PHACTR4: variants seen among roughly 807,000 people sequenced by gnomAD.
The protein encoded by PHACTR4 is phosphatase and actin regulator 4.
In PHACTR4, 51 loss-of-function variants were observed where a neutral mutation model predicts 72.7. That is an observed-to-expected ratio of 0.70 (90% CI 0.56 to 0.89). The LOEUF is 0.89. Ranked by LOEUF, PHACTR4 falls within the 40% of genes least tolerant of loss-of-function variation. The pLI is 0.00. For synonymous variants in PHACTR4, 255 were observed against 302.5 expected (o/e 0.84, Z 1.63); for missense variants, 731 against 861.8 (o/e 0.85, Z 1.90).
intron 9 of PHACTR4, among the ~76,000 whole-genome samples, chr1:28,488,682 G>T (rs1660857846): frequency 6.6e-6 from 1 of 151,906 alleles, no homozygotes; most frequent in African/African-American, 2.4e-5. Context: ...CTGAGTCATA[G>T]AAGAAGTTTT....
At position 28,496,050 on chromosome 1, in the gene PHACTR4, C is replaced by CTTTT. The variant is rs59019895; in HGVS notation, c.2094-463_2094-460dup. 3.8e-4 allele frequency among the ~76,000 whole-genome samples: 34 copies of CTTTT among 88,774 alleles called. 1 individual carries two copies. The highest frequency in any genetic ancestry group is 7.2e-4 in the African/African-American group (15 of 20,916). 58.2% of individuals were successfully genotyped at this position (88,774 alleles called of 152,430 possible). ...TGTTACAGAAGCCAAGAGAAGAGTTCTTTTTTTTTTTTTTTTTTTTTTTTG... is the reference window on the plus strand; with the variant it reads ...TGTTACAGAAGCCAAGAGAAGAGTTCTTTTTTTTTTTTTTTTTTTTTTTTTTTTG... On this transcript the variant is annotated intron_variant, in intron 13 of 13. Transcript: ENST00000373839.
intron 1 of PHACTR4, among the ~76,000 whole-genome samples, chr1:28,400,304 C>T (rs564798800): frequency 2.0e-5 from 3 of 149,658 alleles, no homozygotes; most frequent in East Asian, 2.0e-4. Flanking sequence ...ACCTGGGAGT[C>T]GGAGGTTGCA....
intron 2 of PHACTR4, among the ~76,000 whole-genome samples, chr1:28,456,613 C>T (rs1206214358): frequency 2.6e-5 from 4 of 151,354 alleles, no homozygotes; most frequent in Admixed American, 1.3e-4. Context: ...AGGCACATGG[C>T]ACCCTGCCCA....
rs1227821744 is a variant in PHACTR4 at position 28,499,910 on chromosome 1, T to G, written c.*3361T>G. Reference sequence around the variant, plus strand: ...CTTCTAACCATTCTATCTTATTGATTTGGAGGCTGTCTTCTGCCAGATTTT... The same window carrying G: ...CTTCTAACCATTCTATCTTATTGATGTGGAGGCTGTCTTCTGCCAGATTTT... On this transcript the variant is annotated 3_prime_UTR_variant, in exon 14 of 14. Coordinates refer to ENST00000373839, the MANE Select transcript of PHACTR4 (RefSeq NM_001048183.3). The G allele has an allele frequency of 6.6e-6, 1 of 152,182 alleles. No homozygotes were observed. Among genetic ancestry groups the G allele is most frequent in the Non-Finnish European group, 1.5e-5 (1 of 68,036 alleles). The allele number at this position is 152,182 out of a possible 1,614,324, so 9.4% of individuals were successfully genotyped here.
intron 5 of PHACTR4, 86 bp downstream of exon 5, chr1:28,465,935 T>G: frequency 7.5e-7 from 1 of 1,330,044 alleles, no homozygotes. Context: ...CAGGGAAAAG[T>G]GAAATCTAGA....
At chr1:28,492,344 G>A (rs1397664909) in intron 12 of PHACTR4, among the ~76,000 whole-genome samples, 1 of 151,940 alleles carries the variant, frequency 6.6e-6, no homozygotes, top group African/African-American at 2.4e-5. Context: ...GGCTGAAGCA[G>A]GAGAATTGCT....
intron 2 of PHACTR4, chr1:28,438,246 C>T: frequency 7.0e-7 from 1 of 1,431,592 alleles, no homozygotes; most frequent in Non-Finnish European, 9.2e-7. Context: ...ATGAACTGAC[C>T]TTATGCCATT....
At position 28,446,648 on chromosome 1, in the gene PHACTR4, G is replaced by A. The variant is rs531045917; in HGVS notation, c.17-12437G>A. Among the ~76,000 whole-genome samples the A allele has an allele frequency of 3.4e-3, 513 of 152,120 alleles. 3 individuals are homozygous for A. Among genetic ancestry groups the A allele is most frequent in the African/African-American group, 0.011 (467 of 41,524 alleles). On this transcript the variant is annotated intron_variant, in intron 2 of 13. Coordinates refer to ENST00000373839, the MANE Select transcript of PHACTR4 (RefSeq NM_001048183.3). ...ACAAAAATTAGCCGGGCATGGTGGC[G>A]TGTGCCTGTAGTCCCAGCTATTCAG...
chr1:28,400,712 C>T (rs1653879503), intron 1 of PHACTR4, among the ~76,000 whole-genome samples: 2 of 151,918 alleles, frequency 1.3e-5, no homozygotes, highest in Non-Finnish European at 2.9e-5. Context: ...CCAGAGTAGC[C>T]AGGACTACAG....
intron 1 of PHACTR4, among the ~76,000 whole-genome samples, chr1:28,394,541 T>G (rs1653328127): frequency 6.6e-6 from 1 of 152,012 alleles, no homozygotes; most frequent in Non-Finnish European, 1.5e-5. Flanking sequence ...TCTTCTTGCT[T>G]TGACCTACAG....
intron 2 of PHACTR4, among the ~76,000 whole-genome samples, chr1:28,444,159 G>A (rs1158454451): frequency 7.4e-6 from 1 of 135,076 alleles, no homozygotes; most frequent in African/African-American, 2.7e-5. Flanking sequence ...TTGTGGTTTT[G>A]ATTTGCATTC....
chr1:28,469,380 A>G (rs1214444668), intron 6 of PHACTR4, among the ~76,000 whole-genome samples: 1 of 152,202 alleles, frequency 6.6e-6, no homozygotes, highest in Admixed American at 6.5e-5. Context: ...ATGGAGTATT[A>G]CGACTAAGGA....
chr1:28,488,833 A>G (rs981600234), intron 9 of PHACTR4, among the ~76,000 whole-genome samples: 1 of 152,204 alleles, frequency 6.6e-6, no homozygotes, highest in Non-Finnish European at 1.5e-5. Flanking sequence ...AAATTTGTTT[A>G]GGAGCCACCA....
At chr1:28,404,276 C>CTTTTT (rs58454588) in intron 1 of PHACTR4, among the ~76,000 whole-genome samples, 13 of 101,428 alleles carry the variant, frequency 1.3e-4, no homozygotes, top group Non-Finnish European at 1.9e-4. Flanking sequence ...TATGAACATC[C>CTTTTT]TTTTTTTTTT....
chr1:28,427,451 G>A (rs1363566453), intron 2 of PHACTR4, among the ~76,000 whole-genome samples: 2 of 152,116 alleles, frequency 1.3e-5, no homozygotes, highest in Admixed American at 6.6e-5. Context: ...ACTTGAACTC[G>A]GGAGGCGGAC....
At position 28,474,056 on chromosome 1, in the gene PHACTR4, T is replaced by G. The variant is rs1369570285; in HGVS notation, c.1326T>G (p.His442Gln). Residue 442 changes from histidine to glutamine, a missense_variant, in exon 7 of 14, where the codon CAT becomes CAG. This residue lies in a region of PHACTR4 where 621 missense variants were observed against 676.6 expected (regional missense o/e 0.92). Coordinates refer to ENST00000373839, the MANE Select transcript of PHACTR4 (RefSeq NM_001048183.3). ...TTCTGGAGGGTTCTCACAGAGCTCA[T>G]TCGTTGCTTTTTGAAAACAGTGACA... ...TPILEGSHRA[H>Q]SLLFENSDSF... The G allele has an allele frequency of 6.2e-7, 1 of 1,614,148 alleles. No individual in the cohort carries two copies. The highest frequency in any genetic ancestry group is 1.1e-5 in the South Asian group (1 of 91,076).
At position 28,445,868 on chromosome 1, in the gene PHACTR4, T is replaced by C. The variant is rs140205582; in HGVS notation, c.17-13217T>C. ...ATGATCATGTCACTGCACTGCAGCC[T>C]GGCTAACAGAGCGAGACTGTGTTTG... On this transcript the variant is annotated intron_variant, in intron 2 of 13. Coordinates refer to ENST00000373839, the MANE Select transcript of PHACTR4 (RefSeq NM_001048183.3). 8.9e-3 allele frequency among the ~76,000 whole-genome samples: 1,348 copies of C among 151,358 alleles called. 18 individuals are homozygous for C. The highest frequency in any genetic ancestry group is 0.032 in the African/African-American group (1,288 of 40,756).
At chr1:28,411,873 G>A (rs893992596) in intron 2 of PHACTR4, among the ~76,000 whole-genome samples, 1 of 125,016 alleles carries the variant, frequency 8.0e-6, no homozygotes, top group Non-Finnish European at 1.6e-5. Context: ...AAGAACGAAT[G>A]AACAAAAGAA....
chr1:28,405,402 C>T (rs780841540), intron 1 of PHACTR4, among the ~76,000 whole-genome samples: 7 of 151,990 alleles, frequency 4.6e-5, no homozygotes, highest in African/African-American at 1.2e-4. Context: ...TCTCAGCTCA[C>T]TGCAACCTCC....
Sources: allele counts gnomAD v4.1 joint callset (sites outside exome capture counted in the v4.1 genomes callset), GRCh38; gene constraint gnomAD v4.1.1; regional missense constraint gnomAD v4.1.1; transcripts MANE v1.5; gene names NCBI Gene and HGNC (gene_info 2026-07-23, HGNC 2026-07-21).